GFRA1: variants seen among roughly 807,000 people sequenced by gnomAD.
GFRA1 encodes the protein GDNF family receptor alpha 1.
Under a neutral mutation model 51.6 loss-of-function variants are expected in GFRA1, and 16 were observed. The ratio of observed to expected loss-of-function variants is 0.31; its 90% CI spans 0.21 to 0.47. The LOEUF (loss-of-function observed/expected upper bound fraction) is 0.47. GFRA1 is among the 20% of genes least tolerant of loss of function. The pLI, the probability that GFRA1 is intolerant of heterozygous loss-of-function variation, is 1.00. For missense variants in GFRA1, 530 were observed against 594.3 expected, an observed-to-expected ratio of 0.89 and a Z score of 1.13; for synonymous variants, 270 against 241.3, an observed-to-expected ratio of 1.12 and a Z score of -1.10.
At chr10:116,135,562 G>C (rs913596795) in intron 5 of GFRA1, among the ~76,000 whole-genome samples, 4 of 152,124 alleles carry the variant, frequency 2.6e-5, no homozygotes, top group Non-Finnish European at 4.4e-5. Context: ...CCATTAAAAA[G>C]ATATTTGCAA....
At position 116,270,878 on chromosome 10, in the gene GFRA1, A is replaced by G. The variant is rs774760803; in HGVS notation, c.278T>C (p.Met93Thr). 1 of 1,613,882 alleles carries G rather than the reference A, an allele frequency of 6.2e-7. No individual in the cohort carries two copies. The highest frequency in any genetic ancestry group is 8.5e-7 in the Non-Finnish European group (1 of 1,180,024). Residue 93 changes from methionine to threonine, a missense_variant, in exon 3 of 11, where the codon ATG (methionine) becomes ACG (threonine). Physicochemically the swap from Met to Thr is moderately conservative, Grantham distance 81. Coordinates refer to ENST00000355422, the MANE Select transcript of GFRA1 (RefSeq NM_005264.8). ...GCGCAGGCAGTTCTTCTCCTTCTTC[A>G]TACCCCGCTTGCAGCGGCAGTTGTA... ...SLYNCRCKRG[M>T]KKEKNCLRIY...
intron 5 of GFRA1, among the ~76,000 whole-genome samples, chr10:116,210,704 G>A (rs777545236): frequency 6.6e-6 from 1 of 152,298 alleles, no homozygotes; most frequent in African/African-American, 2.4e-5. Flanking sequence ...AATAACAGTT[G>A]TGAAAATACC....
intron 6 of GFRA1, among the ~76,000 whole-genome samples, chr10:116,120,159 A>G (rs571656602): frequency 1.3e-5 from 2 of 152,350 alleles, no homozygotes; most frequent in South Asian, 2.1e-4. Context: ...CAAGTGTATC[A>G]TATCTCCAGC....
At chr10:116,230,942 T>C (rs1467281053) in intron 4 of GFRA1, among the ~76,000 whole-genome samples, 9 of 152,022 alleles carry the variant, frequency 5.9e-5, no homozygotes, top group Non-Finnish European at 1.5e-5. Context: ...CCCAGTGTTC[T>C]TAGGAGAGAA....
chr10:116,091,936 T>A (rs537140569), intron 8 of GFRA1, among the ~76,000 whole-genome samples: 10 of 152,220 alleles, frequency 6.6e-5, no homozygotes, highest in African/African-American at 1.2e-4. Context: ...AAAAAGGTTA[T>A]AAAGCAGGAA....
chr10:116,068,281 G>A (rs534865589), intron 9 of GFRA1, among the ~76,000 whole-genome samples: 25 of 152,310 alleles, frequency 1.6e-4, no homozygotes, highest in Admixed American at 3.9e-4. Flanking sequence ...CTGGGTGCTC[G>A]GGAAAGCCCT....
intron 5 of GFRA1, among the ~76,000 whole-genome samples, chr10:116,192,301 T>C (rs1019717785): frequency 6.6e-6 from 1 of 152,084 alleles, no homozygotes; most frequent in Non-Finnish European, 1.5e-5. Context: ...GCCCGTTGGG[T>C]GTGCACAGGT....
chr10:116,101,319 G>A (rs1956809515), intron 6 of GFRA1, among the ~76,000 whole-genome samples: 1 of 152,112 alleles, frequency 6.6e-6, no homozygotes, highest in Admixed American at 6.5e-5. Flanking sequence ...TCTCCATGAC[G>A]ACAGCAATGA....
intron 6 of GFRA1, among the ~76,000 whole-genome samples, chr10:116,120,410 A>ATAAT (rs937458557): frequency 6.6e-6 from 1 of 152,076 alleles, no homozygotes; most frequent in Non-Finnish European, 1.5e-5. Context: ...GTCTCTAAAA[A>ATAAT]TAATTAATTA....
intron 4 of GFRA1, among the ~76,000 whole-genome samples, chr10:116,255,057 G>C (rs1244529724): frequency 6.6e-6 from 1 of 152,146 alleles, no homozygotes; most frequent in Non-Finnish European, 1.5e-5. Flanking sequence ...AACAGCTGTG[G>C]AATGTCAAAA....
At chr10:116,214,250 TCC>T (rs938102500) in intron 4 of GFRA1, among the ~76,000 whole-genome samples, 1 of 152,218 alleles carries the variant, frequency 6.6e-6, no homozygotes, top group African/African-American at 2.4e-5. Flanking sequence ...ATTCACTGTT[TCC>T]ACTTCTGTGC....
chr10:116,259,057 G>A (rs749813860), intron 4 of GFRA1, among the ~76,000 whole-genome samples: 6 of 152,306 alleles, frequency 3.9e-5, no homozygotes, highest in South Asian at 2.1e-4. Flanking sequence ...TTCAAAACGC[G>A]TAGTAACAGA....
At chr10:116,187,385 T>A (rs1250707457) in intron 5 of GFRA1, among the ~76,000 whole-genome samples, 1 of 152,214 alleles carries the variant, frequency 6.6e-6, no homozygotes, top group African/African-American at 2.4e-5. Flanking sequence ...TTCTCCTTCA[T>A]ACAGTAAGTT....
In GFRA1 at chr10:116,096,773, G is replaced by C. The variant is rs758858334; in HGVS notation, c.771-9C>G. The stretch of plus-strand genomic sequence containing the variant: ...AATCCGCAAGGCGAGATCTACAATA[G>C]GAAAAAAGGGGTGGGGGGTGGAAAT... On this transcript the variant is annotated splice_polypyrimidine_tract_variant and intron_variant, in intron 6 of 10. Coordinates refer to ENST00000355422, the MANE Select transcript of GFRA1 (RefSeq NM_005264.8). 3.9e-5 allele frequency: 57 copies of C among 1,454,428 alleles called. No individual in the cohort carries two copies. In the South Asian group the frequency reaches 5.9e-4, roughly 15 times the overall value. 90.1% of individuals were successfully genotyped at this position (1,454,428 alleles called of 1,614,324 possible).
chr10:116,091,209 CTCAT>C (rs1207697925), intron 8 of GFRA1, among the ~76,000 whole-genome samples: 4 of 152,320 alleles, frequency 2.6e-5, no homozygotes, highest in Admixed American at 6.5e-5. Flanking sequence ...TGTTCACTTG[CTCAT>C]TCATTCATTC....
chr10:116,157,960 C>G (rs556589631), intron 5 of GFRA1, among the ~76,000 whole-genome samples: 1 of 152,292 alleles, frequency 6.6e-6, no homozygotes, highest in African/African-American at 2.4e-5. Flanking sequence ...CGTGAACACA[C>G]AAAAGTCCTC....
At chr10:116,260,092 A>G (rs1168509038) in intron 4 of GFRA1, among the ~76,000 whole-genome samples, 2 of 152,224 alleles carry the variant, frequency 1.3e-5, no homozygotes, top group Non-Finnish European at 2.9e-5. Flanking sequence ...AGTTTGACCA[A>G]AAATAGGTCA....
At chr10:116,067,117 T>TTA (rs763359702) in intron 9 of GFRA1, among the ~76,000 whole-genome samples, 5 of 152,294 alleles carry the variant, frequency 3.3e-5, no homozygotes, top group Admixed American at 6.5e-5. Flanking sequence ...TCACTAAATG[T>TTA]TATGTATAAG....
chr10:116,104,463 G>A (rs546384751), intron 6 of GFRA1, among the ~76,000 whole-genome samples: 4 of 152,340 alleles, frequency 2.6e-5, no homozygotes, highest in Admixed American at 2.0e-4. Flanking sequence ...TGCACTCTGA[G>A]CCTGACTCAC....
Sources: allele counts gnomAD v4.1 joint callset (sites outside exome capture counted in the v4.1 genomes callset), GRCh38; gene constraint gnomAD v4.1.1; transcripts MANE v1.5; gene names NCBI Gene and HGNC (gene_info 2026-07-23, HGNC 2026-07-21).